Variants in RELL1 observed in about 807,000 individuals in gnomAD.
RELL1 encodes RELT-like protein 1.
Under a neutral mutation model 23.0 loss-of-function variants are expected in RELL1, and 10 were observed. The ratio of observed to expected loss-of-function variants is 0.43; its 90% CI spans 0.27 to 0.74. RELL1 has a LOEUF of 0.74. Ranked by LOEUF, RELL1 falls within the 30% of genes least tolerant of loss-of-function variation. The pLI is 0.19. For missense variants in RELL1, 315 were observed against 364.4 expected (o/e 0.86, Z 1.10); for synonymous variants, 146 against 146.8 (o/e 0.99, Z 0.04).
intron 6 of RELL1, 22 bp downstream of exon 6, chr4:37,631,363 T>C (rs1304775882): frequency 1.2e-6 from 2 of 1,606,706 alleles, no homozygotes; most frequent in African/African-American, 1.3e-5. Flanking sequence ...CTGCCCCCAA[T>C]GTCACCAAAA....
At chr4:37,624,487 A>G (rs1442779788) in intron 6 of RELL1, among the ~76,000 whole-genome samples, 1 of 148,338 alleles carries the variant, frequency 6.7e-6, no homozygotes. Flanking sequence ...TGCAGTGTGC[A>G]ATCTCGGCTC....
intron 6 of RELL1, among the ~76,000 whole-genome samples, chr4:37,626,200 G>A (rs555480406): frequency 7.2e-5 from 11 of 152,244 alleles, no homozygotes; most frequent in East Asian, 1.9e-4. Flanking sequence ...AAAATAGACC[G>A]GGCACAGTGG....
rs1719470028 is a variant in RELL1 at position 37,613,301 on chromosome 4, A to G, written c.*45T>C. ...AAAAATATTCCCAAGGCAACTTCAT[A>G]TAAGTTTTCAGTCTCTTAGAGCTCT... On this transcript the variant is annotated 3_prime_UTR_variant, in exon 7 of 7. Transcript: ENST00000454158. 2 of 152,252 alleles carry G rather than the reference A, an allele frequency of 1.3e-5. No homozygotes were observed. Among genetic ancestry groups the G allele is most frequent in the Non-Finnish European group, 2.9e-5 (2 of 68,044 alleles). 9.4% of individuals were successfully genotyped at this position (152,252 alleles called of 1,614,324 possible). A position where few individuals can be genotyped will look rare whatever the true frequency, so the allele number is the denominator to read the frequency against.
At chr4:37,621,263 T>C (rs543986524) in intron 6 of RELL1, among the ~76,000 whole-genome samples, 1 of 152,194 alleles carries the variant, frequency 6.6e-6, no homozygotes, top group Non-Finnish European at 1.5e-5. Flanking sequence ...AAGACCATCC[T>C]GGCTAGTATA....
At chr4:37,640,740 A>T (rs1474837565) in intron 3 of RELL1, among the ~76,000 whole-genome samples, 1 of 142,636 alleles carries the variant, frequency 7.0e-6, no homozygotes, top group East Asian at 2.2e-4. Flanking sequence ...GAAGGATGCA[A>T]CCATCCATTT....
chr4:37,599,394 C>G (rs1317031647), intron 6 of RELL1, among the ~76,000 whole-genome samples: 1 of 151,864 alleles, frequency 6.6e-6, no homozygotes, highest in East Asian at 1.9e-4. Flanking sequence ...GTTGATTGGT[C>G]GAAGAGTACA....
intron 6 of RELL1, among the ~76,000 whole-genome samples, chr4:37,602,948 C>T (rs2973280): frequency 0.35 from 53,804 of 152,062 alleles, 10,255 homozygotes; most frequent in South Asian, 0.45. Context: ...GAAAATGGAG[C>T]GTCCGATGAG....
chr4:37,686,089 C>T, intron 1 of RELL1, 111 bp downstream of exon 1: 1 of 926,372 alleles, frequency 1.1e-6, no homozygotes, highest in South Asian at 1.5e-5. Context: ...GATCCCGCGG[C>T]TGTGCCAGAA....
chr4:37,639,385 A>AAC (rs1232122911), intron 3 of RELL1, among the ~76,000 whole-genome samples: 3 of 131,736 alleles, frequency 2.3e-5, no homozygotes, highest in Non-Finnish European at 4.7e-5. Context: ...CTCTGTCTCA[A>AAC]AAAAAAAAAA....
At chr4:37,616,387 C>A (rs1719575716) in intron 6 of RELL1, among the ~76,000 whole-genome samples, 1 of 152,188 alleles carries the variant, frequency 6.6e-6, no homozygotes, top group Non-Finnish European at 1.5e-5. Flanking sequence ...CCGGACACAC[C>A]CACAGCATCA....
chr4:37,660,867 T>TA (rs1334094065), intron 1 of RELL1, among the ~76,000 whole-genome samples: 10 of 151,978 alleles, frequency 6.6e-5, no homozygotes, highest in Non-Finnish European at 1.3e-4. Flanking sequence ...CCGTCTCTAC[T>TA]AAAAATATAA....
chr4:37,667,602 G>A (rs1437445379), intron 1 of RELL1, among the ~76,000 whole-genome samples: 3 of 151,010 alleles, frequency 2.0e-5, no homozygotes, highest in African/African-American at 7.3e-5. Context: ...AGAGAAGGTA[G>A]AAAACCTACA....
chr4:37,638,387 CCATATCTGAG>C (rs1720407617), intron 4 of RELL1, 50 bp downstream of exon 4: 1 of 1,319,170 alleles, frequency 7.6e-7, no homozygotes, highest in African/African-American at 1.5e-5. Flanking sequence ...TCAGATGGCG[CCATATCTGAG>C]CAAGTAACTG....
chr4:37,626,550 G>A (rs1423865542), intron 6 of RELL1, among the ~76,000 whole-genome samples: 1 of 152,098 alleles, frequency 6.6e-6, no homozygotes, highest in African/African-American at 2.4e-5. Flanking sequence ...CATATCCAGA[G>A]GTACTGAAAT....
intron 1 of RELL1, among the ~76,000 whole-genome samples, chr4:37,668,935 C>A (rs1721654098): frequency 6.6e-6 from 1 of 151,724 alleles, no homozygotes; most frequent in South Asian, 2.1e-4. Flanking sequence ...AGACCCTCTG[C>A]CTGGCAACCG....
intron 6 of RELL1, among the ~76,000 whole-genome samples, chr4:37,595,270 CT>C (rs1364205256): frequency 6.6e-6 from 1 of 152,190 alleles, no homozygotes; most frequent in Non-Finnish European, 1.5e-5. Context: ...GGTCTGCTAA[CT>C]TCTGAAGCAC....
chr4:37,662,237 AAATTATCATTACTAATGAT>A (rs1721381334), intron 1 of RELL1, among the ~76,000 whole-genome samples: 1 of 152,180 alleles, frequency 6.6e-6, no homozygotes, highest in African/African-American at 2.4e-5. Flanking sequence ...ATGCCTTGAA[AAATTATCATTACTAATGAT>A]AATTATCATT....
intron 1 of RELL1, among the ~76,000 whole-genome samples, chr4:37,681,010 A>T (rs1016727486): frequency 2.6e-5 from 4 of 151,950 alleles, no homozygotes; most frequent in Non-Finnish European, 4.4e-5. Flanking sequence ...CCTTGGAGTA[A>T]TGGAATCAAG....
In RELL1 at chr4:37,635,066, T is replaced by C. The variant is rs750679014; in HGVS notation, c.501A>G (p.Pro167=). Residue 167 remains proline, a synonymous_variant, in exon 5 of 7, where the codon CCA becomes CCG. Transcript: ENST00000454158. ...AGACGTGCTTCCCTGGCGTCCCCCC[T>C]GGTGACAAAGGCCCAGGACTCACTG... ...SPPVSPGPLS[P]GGTPGKHVCG... 6.2e-7 allele frequency: 1 copy of C among 1,614,162 alleles called. No homozygotes were observed.
Sources: allele counts gnomAD v4.1 joint callset (sites outside exome capture counted in the v4.1 genomes callset), GRCh38; gene constraint gnomAD v4.1.1; transcripts MANE v1.5; gene names NCBI Gene and HGNC (gene_info 2026-07-23, HGNC 2026-07-21).